LGSN: variants seen among roughly 807,000 people sequenced by gnomAD.
LGSN encodes the protein lengsin, lens protein with glutamine synthetase domain, also known as lengsin.
In LGSN, 21 loss-of-function variants were observed where a neutral mutation model predicts 19.5. That is an observed-to-expected ratio of 1.07 (90% CI 0.76 to 1.55). LGSN has a LOEUF of 1.55. Among genes scored for constraint, LGSN ranks in the 40% most tolerant of loss-of-function variants. The pLI, the probability that LGSN is intolerant of heterozygous loss-of-function variation, is 0.00. For synonymous variants in LGSN, 257 were observed against 215.6 expected (o/e 1.19, Z -1.68); for missense variants, 673 against 608.5 (o/e 1.11, Z -1.12).
At chr6:63,367,637 C>G in the LGSN span, among the ~76,000 whole-genome samples, 1 of 144,670 alleles carries the variant, frequency 6.9e-6, no homozygotes, top group Non-Finnish European at 1.5e-5. Context: ...AAGACACATG[C>G]ACACATATGT....
chr6:63,543,325 C>A, the LGSN span, among the ~76,000 whole-genome samples: 3 of 152,154 alleles, frequency 2.0e-5, no homozygotes, highest in Non-Finnish European at 4.4e-5. Context: ...ACTTATTTTT[C>A]TTTCTTTCAA....
the LGSN span, among the ~76,000 whole-genome samples, chr6:63,429,027 A>G: frequency 6.6e-6 from 1 of 152,136 alleles, no homozygotes; most frequent in African/African-American, 2.4e-5. Flanking sequence ...AAAAGAAAAA[A>G]TTACAGCAAA....
the LGSN span, among the ~76,000 whole-genome samples, chr6:63,540,427 C>A: frequency 6.6e-6 from 1 of 151,970 alleles, no homozygotes; most frequent in Non-Finnish European, 1.5e-5. Flanking sequence ...TTGAGACCAG[C>A]CTGATCAACA....
At chr6:63,515,714 A>T in the LGSN span, among the ~76,000 whole-genome samples, 2 of 152,230 alleles carry the variant, frequency 1.3e-5, no homozygotes, top group Non-Finnish European at 2.9e-5. Flanking sequence ...GAGAATGATT[A>T]AAAACCCTTG....
the LGSN span, among the ~76,000 whole-genome samples, chr6:63,427,045 CT>C: frequency 6.2e-3 from 875 of 141,484 alleles, 4 homozygotes; most frequent in East Asian, 0.027. Context: ...AGACCTTTCC[CT>C]TTTTTTTTTT....
At chr6:63,519,829 C>T in the LGSN span, among the ~76,000 whole-genome samples, 1 of 152,146 alleles carries the variant, frequency 6.6e-6, no homozygotes, top group Non-Finnish European at 1.5e-5. Flanking sequence ...ATTTTAGCTC[C>T]TGAAATTCAA....
chr6:63,561,084 T>C, the LGSN span, among the ~76,000 whole-genome samples: 3 of 152,202 alleles, frequency 2.0e-5, no homozygotes, highest in Non-Finnish European at 4.4e-5. Flanking sequence ...AAAGCTTGTT[T>C]GTTTAGCAAA....
At chr6:63,322,908 G>C (rs1212175240), upstream of LGSN, among the ~76,000 whole-genome samples, 9 of 152,280 alleles carry the variant, frequency 5.9e-5, no homozygotes, top group African/African-American at 2.2e-4. Flanking sequence ...GTTTCAGAAA[G>C]GGAATTTCTC....
At chr6:63,321,582 C>T (rs1329197984), upstream of LGSN, among the ~76,000 whole-genome samples, 1 of 151,974 alleles carries the variant, frequency 6.6e-6, no homozygotes, top group Non-Finnish European at 1.5e-5. Context: ...AATATCCTTT[C>T]CTGAACCTTG....
At chr6:63,364,602 T>G in the LGSN span, among the ~76,000 whole-genome samples, 14 of 152,124 alleles carry the variant, frequency 9.2e-5, no homozygotes, top group Non-Finnish European at 1.5e-4. Flanking sequence ...GACATCTACA[T>G]AACTCTCCAC....
chr6:63,473,849 TA>T, the LGSN span, among the ~76,000 whole-genome samples: 147 of 148,320 alleles, frequency 9.9e-4, 1 homozygote, highest in Non-Finnish European at 8.9e-5. Flanking sequence ...TCCTTGGTTA[TA>T]CCTGCTCAAT....
chr6:63,526,847 A>AT, the LGSN span, among the ~76,000 whole-genome samples: 4 of 140,032 alleles, frequency 2.9e-5, no homozygotes, highest in African/African-American at 1.1e-4. Flanking sequence ...TTATTTATTT[A>AT]TTCTTCTTAA....
chr6:63,518,621 C>T, the LGSN span, among the ~76,000 whole-genome samples: 3 of 152,172 alleles, frequency 2.0e-5, no homozygotes, highest in Non-Finnish European at 2.9e-5. Context: ...TGTCCAAGGT[C>T]ACACAGCCCA....
the LGSN span, among the ~76,000 whole-genome samples, chr6:63,506,568 T>G: frequency 4.6e-5 from 7 of 152,222 alleles, no homozygotes; most frequent in Non-Finnish European, 7.3e-5. Context: ...CAGCTCTTCT[T>G]GTTTTGTTGA....
the LGSN span, among the ~76,000 whole-genome samples, chr6:63,364,711 A>C: frequency 8.8e-5 from 13 of 147,428 alleles, no homozygotes; most frequent in Admixed American, 8.6e-4. Flanking sequence ...GCAAATGTAA[A>C]AGAACAGAAA....
the LGSN span, among the ~76,000 whole-genome samples, chr6:63,480,968 T>TA: frequency 6.2e-5 from 2 of 32,020 alleles, no homozygotes; most frequent in African/African-American, 1.7e-4. Context: ...TATATATATA[T>TA]ATATATATAT....
the LGSN span, among the ~76,000 whole-genome samples, chr6:63,372,822 T>G: frequency 1.3e-5 from 2 of 152,186 alleles, no homozygotes; most frequent in South Asian, 4.1e-4. Context: ...TTCCTAACAC[T>G]AAGAATATTC....
At chr6:63,310,153 G>A (rs902219371) in intron 1 of LGSN, among the ~76,000 whole-genome samples, 2 of 151,954 alleles carry the variant, frequency 1.3e-5, no homozygotes, top group African/African-American at 4.8e-5. Context: ...TTCTTTCCTA[G>A]GCTCCTGTTG....
chr6:63,363,492 G>A, the LGSN span, among the ~76,000 whole-genome samples: 86 of 152,206 alleles, frequency 5.7e-4, no homozygotes, highest in Admixed American at 2.2e-3. Flanking sequence ...AAACGGTGTA[G>A]AGAAGTCCTT....
Sources: gnomAD v4.1 joint callset for allele counts (sites outside exome capture counted in the v4.1 genomes callset) on GRCh38, gnomAD v4.1.1 for gene constraint, MANE v1.5 for transcripts, NCBI Gene and HGNC (gene_info 2026-07-23, HGNC 2026-07-21) for gene names.